The following SRGAP2 variants were observed in gnomAD, a reference collection of about 807,000 sequenced individuals.
The protein encoded by SRGAP2 is SLIT-ROBO Rho GTPase-activating protein 2.
Under a neutral mutation model 57.2 loss-of-function variants are expected in SRGAP2, and 15 were observed. The ratio of observed to expected loss-of-function variants is 0.26; its 90% CI spans 0.18 to 0.40. SRGAP2 has a LOEUF of 0.40. SRGAP2 is among the 10% of genes least tolerant of loss of function. The pLI, the probability that SRGAP2 is intolerant of heterozygous loss-of-function variation, is 1.00. For synonymous variants in SRGAP2, 249 were observed against 248.0 expected (o/e 1.00, Z -0.04); for missense variants, 520 against 669.6 (o/e 0.78, Z 2.47).
At chr1:206,420,549 G>C (rs9430095) in intron 12 of SRGAP2, among the ~76,000 whole-genome samples, 93,245 of 151,942 alleles carry the variant, frequency 0.61, 30,590 homozygotes, top group African/African-American at 0.85. Flanking sequence ...TCAAGGTGTC[G>C]TAGGATTCCA....
intron 14 of SRGAP2, among the ~76,000 whole-genome samples, chr1:206,434,311 G>A (rs1467352224): frequency 1.3e-5 from 2 of 152,112 alleles, no homozygotes; most frequent in African/African-American, 4.8e-5. Flanking sequence ...AAAACAAACC[G>A]CCATTTTCAT....
At chr1:206,453,552 C>A in intron 20 of SRGAP2, 172 bp downstream of exon 20, 1 of 362,452 alleles carries the variant, frequency 2.8e-6, no homozygotes, top group Admixed American at 4.8e-5. Flanking sequence ...CCGCCCCACT[C>A]CCTGCACTCA....
intron 4 of SRGAP2, among the ~76,000 whole-genome samples, chr1:206,383,344 G>T (rs1572011015): frequency 6.6e-6 from 1 of 151,282 alleles, no homozygotes. Context: ...TATTTCTACT[G>T]CTCTATGTAG....
chr1:206,289,361 CT>C (rs1671186254), intron 2 of SRGAP2, among the ~76,000 whole-genome samples: 1 of 149,702 alleles, frequency 6.7e-6, no homozygotes, highest in African/African-American at 2.5e-5. Flanking sequence ...CAAGCTCCGC[CT>C]CCCAGGTTCA....
intron 2 of SRGAP2, among the ~76,000 whole-genome samples, chr1:206,236,899 T>G (rs1478903141): frequency 5.8e-5 from 7 of 120,078 alleles, no homozygotes; most frequent in Non-Finnish European, 1.0e-4. Flanking sequence ...TTATTTTAAT[T>G]TTTTTTTGAG....
At chr1:206,448,207 G>C (rs1460681261) in intron 18 of SRGAP2, among the ~76,000 whole-genome samples, 1 of 152,182 alleles carries the variant, frequency 6.6e-6, no homozygotes, top group South Asian at 2.1e-4. Context: ...ACTAAGAAGA[G>C]AATGGAGAAT....
At chr1:206,276,842 G>T (rs1178569080) in intron 2 of SRGAP2, among the ~76,000 whole-genome samples, 2,907 of 152,166 alleles carry the variant, frequency 0.019, 34 homozygotes, top group Middle Eastern at 0.031. Context: ...AGCAAGCTGC[G>T]GATTCTGAAT....
chr1:206,449,206 G>T (rs1378903603), intron 18 of SRGAP2, among the ~76,000 whole-genome samples: 1 of 151,744 alleles, frequency 6.6e-6, no homozygotes, highest in Non-Finnish European at 1.5e-5. Flanking sequence ...GAGTTCTGAA[G>T]TCCATGAGCC....
At chr1:206,447,010 T>C (rs1210841115) in intron 18 of SRGAP2, among the ~76,000 whole-genome samples, 7 of 152,206 alleles carry the variant, frequency 4.6e-5, no homozygotes, top group African/African-American at 1.2e-4. Context: ...CCAGTGACAG[T>C]ATTTTAGGCC....
At chr1:206,369,569 G>A (rs1357019924) in intron 4 of SRGAP2, among the ~76,000 whole-genome samples, 2 of 152,156 alleles carry the variant, frequency 1.3e-5, no homozygotes, top group African/African-American at 4.8e-5. Context: ...AAGATGACCA[G>A]TCCAGTTTAA....
At chr1:206,416,030 T>A in intron 11 of SRGAP2, 57 bp downstream of exon 11, 2 of 746,792 alleles carry the variant, frequency 2.7e-6, no homozygotes, top group South Asian at 2.9e-5. Flanking sequence ...GGAGCTTTCT[T>A]GCTGAGCACA....
rs968818416 is a variant in SRGAP2 at position 206,457,139 on chromosome 1, C to G, written c.2508-1484C>G. Among the ~76,000 whole-genome samples the G allele has an allele frequency of 1.6e-4, 25 of 152,070 alleles. 1 individual carries two copies. Among genetic ancestry groups the G allele is most frequent in the African/African-American group, 5.6e-4 (23 of 41,398 alleles). On this transcript the variant is annotated intron_variant, in intron 21 of 22. Coordinates refer to ENST00000573034, the MANE Select transcript of SRGAP2 (RefSeq NM_015326.5). ...GGGCCTAGCCTGGGACATGGCACACCACAGCCACCCCATAAATCTGTCTTC... is the reference window on the plus strand; with the variant it reads ...GGGCCTAGCCTGGGACATGGCACACGACAGCCACCCCATAAATCTGTCTTC...
chr1:206,292,654 A>C (rs1318127617), intron 2 of SRGAP2, among the ~76,000 whole-genome samples: 1 of 147,190 alleles, frequency 6.8e-6, no homozygotes, highest in Admixed American at 6.7e-5. Context: ...CTACTTTCCT[A>C]TCTCTCCTTG....
intron 2 of SRGAP2, among the ~76,000 whole-genome samples, chr1:206,274,682 AC>A (rs1241559839): frequency 6.6e-6 from 1 of 151,484 alleles, no homozygotes; most frequent in Non-Finnish European, 1.5e-5. Context: ...ATCTTGGTGA[AC>A]AACCTCTCTT....
intron 8 of SRGAP2, among the ~76,000 whole-genome samples, chr1:206,402,148 A>G (rs1158572503): frequency 6.6e-6 from 1 of 152,118 alleles, no homozygotes; most frequent in Non-Finnish European, 1.5e-5. Context: ...GGCATTTGGC[A>G]GAGTTCTGAA....
chr1:206,398,708 G>T (rs1553354516), intron 7 of SRGAP2, among the ~76,000 whole-genome samples: 1 of 152,076 alleles, frequency 6.6e-6, no homozygotes, highest in African/African-American at 2.4e-5. Context: ...AGCTAGTCTG[G>T]TTGGGGTGAT....
intron 3 of SRGAP2, among the ~76,000 whole-genome samples, chr1:206,334,987 A>C (rs1262937004): frequency 1.3e-5 from 2 of 150,710 alleles, no homozygotes; most frequent in Non-Finnish European, 2.9e-5. Flanking sequence ...GACTTTGTGG[A>C]TCCAACTGTC....
chr1:206,453,946 C>T (rs1279746079), intron 20 of SRGAP2: 1 of 555,004 alleles, frequency 1.8e-6, no homozygotes, highest in Non-Finnish European at 3.2e-6. Flanking sequence ...TGTCAAGGAA[C>T]AAAGGAAACC....
chr1:206,290,638 T>A, intron 2 of SRGAP2, among the ~76,000 whole-genome samples: 1 of 90,960 alleles, frequency 1.1e-5, no homozygotes, highest in Admixed American at 1.5e-4. Flanking sequence ...CGAGACTCCA[T>A]CTCAAAAAAA....
Sources: allele counts gnomAD v4.1 joint callset (sites outside exome capture counted in the v4.1 genomes callset), GRCh38; gene constraint gnomAD v4.1.1; transcripts MANE v1.5; gene names NCBI Gene and HGNC (gene_info 2026-07-23, HGNC 2026-07-21).